RIMS2: variants seen among roughly 807,000 people sequenced by gnomAD.
The protein encoded by RIMS2 is regulating synaptic membrane exocytosis protein 2.
Under a neutral mutation model 174.4 loss-of-function variants are expected in RIMS2, and 59 were observed. That is an observed-to-expected ratio of 0.34 (90% confidence interval 0.27 to 0.42). RIMS2 has a LOEUF of 0.42. Ranked by LOEUF, RIMS2 falls within the 10% of genes least tolerant of loss-of-function variation. RIMS2 has a pLI of 1.00. For synonymous variants in RIMS2, 606 were observed against 572.5 expected (o/e 1.06, Z -0.84); for missense variants, 1,620 against 1,666.3 (o/e 0.97, Z 0.48).
intron 3 of RIMS2, among the ~76,000 whole-genome samples, chr8:103,795,834 C>A (rs2098546118): frequency 6.6e-6 from 1 of 152,086 alleles, no homozygotes; most frequent in East Asian, 1.9e-4. Context: ...TCTGAGATTT[C>A]CAAGTACTAG....
At chr8:103,547,093 A>G (rs1845478329) in intron 1 of RIMS2, among the ~76,000 whole-genome samples, 1 of 152,222 alleles carries the variant, frequency 6.6e-6, no homozygotes, top group African/African-American at 2.4e-5. Flanking sequence ...TTCTTAGTTT[A>G]CAGAGGTAAA....
At chr8:103,552,471 T>C (rs906269593) in intron 1 of RIMS2, among the ~76,000 whole-genome samples, 2 of 152,168 alleles carry the variant, frequency 1.3e-5, no homozygotes, top group South Asian at 2.1e-4. Flanking sequence ...AAGACTTAAA[T>C]GTTAGACCTA....
At chr8:104,061,056 T>G (rs1476098851) in intron 19 of RIMS2, among the ~76,000 whole-genome samples, 3 of 152,178 alleles carry the variant, frequency 2.0e-5, no homozygotes, top group South Asian at 2.1e-4. Flanking sequence ...GTTGATTTGG[T>G]GTGGAGAGTT....
In RIMS2 at chr8:103,795,334, CA is replaced by C. The variant is rs2098541223; in HGVS notation, c.698+28798del. Among the ~76,000 whole-genome samples, 3 of 148,728 alleles carry C rather than the reference CA, an allele frequency of 2.0e-5. No individual in the cohort carries two copies. The Admixed American group carries it at 2.1e-4, about 10-fold the overall frequency. The stretch of plus-strand genomic sequence containing the variant: ...CATTCTGAGCAAACTGTCGCAAGGA[CA>C]GAAAACCAGACGCTAGATGTTCTCA... On this transcript the variant is annotated intron_variant, in intron 3 of 23. Transcript: ENST00000504942.
intron 19 of RIMS2, among the ~76,000 whole-genome samples, chr8:104,184,057 G>A (rs2098955340): frequency 6.6e-6 from 1 of 151,486 alleles, no homozygotes; most frequent in South Asian, 2.1e-4. Context: ...GAAAGCATGG[G>A]AGTTGTCCAC....
chr8:104,071,725 C>T (rs1208808124), intron 19 of RIMS2, among the ~76,000 whole-genome samples: 3 of 152,128 alleles, frequency 2.0e-5, no homozygotes, highest in Non-Finnish European at 4.4e-5. Flanking sequence ...CATGAGCCAC[C>T]ACGCCCGGCC....
At chr8:103,552,165 C>G (rs189636498) in intron 1 of RIMS2, among the ~76,000 whole-genome samples, 5 of 152,156 alleles carry the variant, frequency 3.3e-5, no homozygotes, top group Non-Finnish European at 7.4e-5. Context: ...GCCAAAAAAA[C>G]AAAGCTGGAG....
At chr8:104,160,139 A>C (rs993646173) in intron 19 of RIMS2, among the ~76,000 whole-genome samples, 2 of 99,694 alleles carry the variant, frequency 2.0e-5, no homozygotes, top group Non-Finnish European at 3.5e-5. Flanking sequence ...ACTCCATCTC[A>C]AAAAAAAAAA....
At chr8:103,590,172 A>G (rs2094179215) in intron 1 of RIMS2, among the ~76,000 whole-genome samples, 1 of 151,442 alleles carries the variant, frequency 6.6e-6, no homozygotes, top group Non-Finnish European at 1.5e-5. Flanking sequence ...GCATTTCTGT[A>G]TCAAAACATA....
In RIMS2 at chr8:104,179,675, T is replaced by A. The variant is rs111391320; in HGVS notation, c.3335-65241T>A. Among the ~76,000 whole-genome samples the A allele has an allele frequency of 4.3e-3, 657 of 151,952 alleles. 3 individuals carry two copies. Among genetic ancestry groups the A allele is most frequent in the African/African-American group, 0.015 (613 of 41,524 alleles). ...CAGCAAATTATTTTCAAATTGTAAA[T>A]CTCTAATGAATATACACCTATTTAT... On this transcript the variant is annotated intron_variant, in intron 19 of 23. Transcript: ENST00000504942.
intron 1 of RIMS2, among the ~76,000 whole-genome samples, chr8:103,672,671 AC>A (rs1424777420): frequency 6.6e-6 from 1 of 151,966 alleles, no homozygotes; most frequent in African/African-American, 2.4e-5. Flanking sequence ...TGACCCAAAC[AC>A]TTTATACTAG....
At chr8:104,151,705 C>T (rs2098690779) in intron 19 of RIMS2, among the ~76,000 whole-genome samples, 1 of 152,008 alleles carries the variant, frequency 6.6e-6, no homozygotes, top group Non-Finnish European at 1.5e-5. Context: ...TTTAAATAAA[C>T]ACTTTTGAAG....
At chr8:103,732,924 C>T (rs1416051540) in intron 2 of RIMS2, among the ~76,000 whole-genome samples, 1 of 152,090 alleles carries the variant, frequency 6.6e-6, no homozygotes, top group Non-Finnish European at 1.5e-5. Context: ...TGGTGCTCTA[C>T]CACACTGTCA....
At chr8:103,991,556 T>C (rs1431430841) in intron 17 of RIMS2, among the ~76,000 whole-genome samples, 1 of 152,030 alleles carries the variant, frequency 6.6e-6, no homozygotes, top group Non-Finnish European at 1.5e-5. Flanking sequence ...CTAGAACTCT[T>C]ACAGTGAATT....
chr8:104,030,954 T>C (rs11779841), intron 19 of RIMS2, among the ~76,000 whole-genome samples: 19,474 of 152,166 alleles, frequency 0.13, 1,707 homozygotes, highest in Non-Finnish European at 0.19. Flanking sequence ...TTTGTTGTTA[T>C]ATCCCTGTAC....
chr8:104,125,613 G>T (rs2132581743), intron 19 of RIMS2, among the ~76,000 whole-genome samples: 1 of 152,214 alleles, frequency 6.6e-6, no homozygotes, highest in East Asian at 1.9e-4. Flanking sequence ...TACTACAGGA[G>T]ATATCTTAAA....
intron 1 of RIMS2, among the ~76,000 whole-genome samples, chr8:103,559,903 A>G (rs925496912): frequency 6.6e-6 from 1 of 152,218 alleles, no homozygotes; most frequent in Admixed American, 6.5e-5. Context: ...TTCCCACAGG[A>G]TGAAATAAAG....
At chr8:103,644,739 G>A (rs1213132347) in intron 1 of RIMS2, among the ~76,000 whole-genome samples, 1 of 151,076 alleles carries the variant, frequency 6.6e-6, no homozygotes, top group East Asian at 1.9e-4. Context: ...TTTTGTTTGG[G>A]AGGATGATGC....
chr8:103,933,447 G>A (rs1240604704), intron 12 of RIMS2, among the ~76,000 whole-genome samples: 1 of 152,162 alleles, frequency 6.6e-6, no homozygotes, highest in Non-Finnish European at 1.5e-5. Flanking sequence ...GATTGCATGC[G>A]GCATTGCACT....
Sources: gnomAD v4.1 joint callset for allele counts (sites outside exome capture counted in the v4.1 genomes callset) on GRCh38, gnomAD v4.1.1 for gene constraint, MANE v1.5 for transcripts, NCBI Gene and HGNC (gene_info 2026-07-23, HGNC 2026-07-21) for gene names.